Variants in RAD51B observed in about 807,000 individuals in gnomAD.
The protein encoded by RAD51B is DNA repair protein RAD51 homolog 2.
Under a neutral mutation model 42.2 loss-of-function variants are expected in RAD51B, and 38 were observed. The observed-to-expected ratio is 0.90, with a 90% CI of 0.70 to 1.18. The LOEUF (loss-of-function observed/expected upper bound fraction) is 1.18, where lower values mean the gene tolerates loss of function less well. RAD51B is among the 50% of genes most tolerant of loss of function. The pLI is 0.00. For missense variants in RAD51B, 373 were observed against 400.7 expected, an observed-to-expected ratio of 0.93 and a Z score of 0.59; for synonymous variants, 154 against 145.2, an observed-to-expected ratio of 1.06 and a Z score of -0.43.
chr14:68,294,217 C>G (rs2081570434), intron 8 of RAD51B, among the ~76,000 whole-genome samples: 1 of 152,138 alleles, frequency 6.6e-6, no homozygotes, highest in Admixed American at 6.5e-5. Context: ...AAACCCCTGA[C>G]TTGTGTTCAT....
intron 7 of RAD51B, among the ~76,000 whole-genome samples, chr14:68,031,751 C>T (rs561760235): frequency 6.6e-6 from 1 of 152,276 alleles, no homozygotes; most frequent in African/African-American, 2.4e-5. Context: ...CATGTCATTT[C>T]TATCTTGATC....
At chr14:68,106,849 G>T (rs904861979) in intron 7 of RAD51B, among the ~76,000 whole-genome samples, 1 of 151,754 alleles carries the variant, frequency 6.6e-6, no homozygotes, top group South Asian at 2.1e-4. Flanking sequence ...ATTGATTTAG[G>T]AGCCAAATAC....
intron 7 of RAD51B, among the ~76,000 whole-genome samples, chr14:68,076,441 C>A (rs932532706): frequency 2.0e-5 from 3 of 152,070 alleles, no homozygotes; most frequent in African/African-American, 7.2e-5. Context: ...TGATAGGATA[C>A]CTCCTTCAAA....
At chr14:68,277,830 C>T (rs560141787) in intron 7 of RAD51B, among the ~76,000 whole-genome samples, 1 of 152,214 alleles carries the variant, frequency 6.6e-6, no homozygotes, top group Non-Finnish European at 1.5e-5. Context: ...CCTCCGTCTC[C>T]CAGGTTCAAG....
chr14:68,564,238 C>T (rs895739038), intron 10 of RAD51B, among the ~76,000 whole-genome samples: 16 of 152,210 alleles, frequency 1.1e-4, no homozygotes, highest in African/African-American at 3.6e-4. Flanking sequence ...AGGCTCTCTG[C>T]GGCCAATATC....
rs192238818 is a variant in RAD51B at position 68,645,400 on chromosome 14, G to C, written c.1037-5381G>C. 2.6e-5 allele frequency among the ~76,000 whole-genome samples: 4 copies of C among 152,212 alleles called. No homozygotes were observed. The South Asian group carries it at 8.3e-4, about 32-fold the overall frequency. On this transcript the variant is annotated intron_variant, in intron 10 of 11. Transcript: ENST00000488612. ...CATTATGCTTATCCATTCATTCATC[G>C]ACAGACAGTTAGGTTGCTTTCACAT... is the stretch of plus-strand genomic sequence containing the variant.
chr14:68,082,301 T>C (rs1288254851), intron 7 of RAD51B, among the ~76,000 whole-genome samples: 2 of 152,154 alleles, frequency 1.3e-5, no homozygotes, highest in Non-Finnish European at 2.9e-5. Context: ...TATTTTTAAA[T>C]AGGAAATACA....
intron 11 of RAD51B, among the ~76,000 whole-genome samples, chr14:68,664,905 T>A (rs551559604): frequency 3.0e-4 from 46 of 152,242 alleles, no homozygotes; most frequent in African/African-American, 8.9e-4. Flanking sequence ...GGAGAGAAAC[T>A]CCTCTTCTCA....
At position 68,477,845 on chromosome 14, in the gene RAD51B, A is replaced by C; in HGVS notation, c.*181A>C. On this transcript the variant is annotated 3_prime_UTR_variant, in exon 11 of 11. Transcript: ENST00000471583. ...GCTAGCGATTTCAGACCTAGCAGGGAAGGTGAAGATGAAGAAGCCTTTGTT... is the reference window on the plus strand; with the variant it reads ...GCTAGCGATTTCAGACCTAGCAGGGCAGGTGAAGATGAAGAAGCCTTTGTT... 1 of 1,435,832 alleles carries C rather than the reference A, an allele frequency of 7.0e-7. No homozygotes were observed. Among genetic ancestry groups the C allele is most frequent in the South Asian group, 1.6e-5 (1 of 63,282 alleles). 88.9% of individuals were successfully genotyped at this position (1,435,832 alleles called of 1,614,324 possible).
At chr14:67,947,152 TATC>T (rs755676594) in intron 7 of RAD51B, among the ~76,000 whole-genome samples, 4 of 152,306 alleles carry the variant, frequency 2.6e-5, no homozygotes, top group East Asian at 1.9e-4. Flanking sequence ...CTATTACCAT[TATC>T]ATCATCATTA....
intron 7 of RAD51B, among the ~76,000 whole-genome samples, chr14:68,252,482 G>A (rs1043500457): frequency 6.6e-6 from 1 of 152,068 alleles, no homozygotes; most frequent in Non-Finnish European, 1.5e-5. Context: ...CCACCCTTCC[G>A]TCCATCACTC....
At chr14:68,651,387 G>A (rs59768153) in intron 11 of RAD51B, among the ~76,000 whole-genome samples, 5,742 of 152,150 alleles carry the variant, frequency 0.038, 368 homozygotes, top group African/African-American at 0.13. Context: ...TGCCCAGGGT[G>A]GTCTCAAACT....
chr14:68,057,167 A>G (rs1253637066), intron 7 of RAD51B, among the ~76,000 whole-genome samples: 1 of 152,146 alleles, frequency 6.6e-6, no homozygotes, highest in Non-Finnish European at 1.5e-5. Context: ...AATGTTCCAA[A>G]TGATAGTAAA....
At chr14:68,468,109 G>A in intron 9 of RAD51B, 63 bp from the exon 10 acceptor site, 1 of 1,372,872 alleles carries the variant, frequency 7.3e-7, no homozygotes, top group South Asian at 1.2e-5. Flanking sequence ...GTGGGAAGGG[G>A]AGTGAATAGA....
intron 10 of RAD51B, among the ~76,000 whole-genome samples, chr14:68,649,447 C>T (rs1023989504): frequency 1.3e-5 from 2 of 152,232 alleles, no homozygotes; most frequent in Non-Finnish European, 2.9e-5. Flanking sequence ...GTTTCCACTT[C>T]TCTGCAAGAT....
At chr14:68,321,814 G>A (rs1430526491) in intron 8 of RAD51B, among the ~76,000 whole-genome samples, 3 of 152,010 alleles carry the variant, frequency 2.0e-5, no homozygotes, top group Non-Finnish European at 4.4e-5. Context: ...ACAGTGCTGC[G>A]ATCATGGCTC....
chr14:68,249,461 G>A (rs796300927), intron 7 of RAD51B, among the ~76,000 whole-genome samples: 20 of 152,234 alleles, frequency 1.3e-4, no homozygotes, highest in African/African-American at 4.8e-4. Context: ...TTACAAAAGC[G>A]TTCTTTGTAA....
intron 10 of RAD51B, among the ~76,000 whole-genome samples, chr14:68,525,407 G>C (rs897131586): frequency 6.6e-6 from 1 of 152,248 alleles, no homozygotes; most frequent in Non-Finnish European, 1.5e-5. Context: ...ACAGCAATAA[G>C]AAAGTAATTC....
downstream of RAD51B, among the ~76,000 whole-genome samples, chr14:68,480,234 G>T (rs572224918): frequency 6.6e-6 from 1 of 151,960 alleles, no homozygotes; most frequent in African/African-American, 2.4e-5. Context: ...CACCATGCCC[G>T]GTTAACTTTT....
Sources: gnomAD v4.1 joint callset for allele counts (sites outside exome capture counted in the v4.1 genomes callset) on GRCh38, gnomAD v4.1.1 for gene constraint, MANE v1.5 for transcripts, NCBI Gene and HGNC (gene_info 2026-07-23, HGNC 2026-07-21) for gene names.